The following FSTL4 variants were observed in gnomAD, a reference collection of about 807,000 sequenced individuals.
FSTL4 encodes the protein follistatin like 4.
FSTL4 carries 28 observed loss-of-function variants against 78.2 expected under a neutral mutation model. The ratio of observed to expected loss-of-function variants is 0.36; its 90% CI spans 0.27 to 0.49. FSTL4 has a LOEUF of 0.49. FSTL4 is among the 20% of genes least tolerant of loss of function. The probability of loss-of-function intolerance (pLI) is 0.98; values close to 1 mark genes in which losing one functional copy is unlikely to be tolerated. For synonymous variants in FSTL4, 422 were observed against 440.5 expected (o/e 0.96, Z 0.53); for missense variants, 922 against 1,084.9 (o/e 0.85, Z 2.11).
rs139876685 is a variant in FSTL4 at position 133,229,080 on chromosome 5, T to G, written c.1016-3261A>C. ...GGCCAGACAGAAAATATAATGGAACTCAATGAAGAAAACAATATAACCTCA... is the reference window on the plus strand; with the variant it reads ...GGCCAGACAGAAAATATAATGGAACGCAATGAAGAAAACAATATAACCTCA... On this transcript the variant is annotated intron_variant, in intron 8 of 15. Coordinates refer to ENST00000265342, the MANE Select transcript of FSTL4 (RefSeq NM_015082.2). Among the ~76,000 whole-genome samples, 369 of 152,232 alleles carry G rather than the reference T, an allele frequency of 2.4e-3. 2 individuals are homozygous for G. The highest frequency in any genetic ancestry group is 8.5e-3 in the African/African-American group (352 of 41,552).
rs867388040 is a variant in FSTL4, at chr5:133,610,221, G to A, written c.-11+2104C>T. Among the ~76,000 whole-genome samples the A allele has an allele frequency of 4.6e-5, 7 of 152,224 alleles. No homozygotes were observed. The South Asian group carries it at 1.3e-3, about 27-fold the overall frequency. ...CCTCACCCACCTCCAGGGCACAGCC[G>A]AAAGGATAAAAGTTCTCCTAATACC... On this transcript the variant is annotated intron_variant, in intron 1 of 15. Transcript: ENST00000265342.
the FSTL4 span, among the ~76,000 whole-genome samples, chr5:133,817,846 C>T: frequency 6.6e-6 from 1 of 152,166 alleles, no homozygotes; most frequent in South Asian, 2.1e-4. Context: ...TAAGTGCTTT[C>T]CATACCCTAA....
the FSTL4 span, among the ~76,000 whole-genome samples, chr5:133,805,949 C>T: frequency 6.6e-6 from 1 of 152,212 alleles, no homozygotes; most frequent in Non-Finnish European, 1.5e-5. Flanking sequence ...ACCCCCCAAC[C>T]CCCGATCAGA....
chr5:133,270,033 T>C (rs1045762065), intron 6 of FSTL4: 5 of 152,230 alleles, frequency 3.3e-5, no homozygotes, highest in Non-Finnish European at 5.9e-5. Context: ...AAAGTACGTG[T>C]GCCTAACATG....
chr5:133,320,163 C>T (rs1580612805), intron 4 of FSTL4, among the ~76,000 whole-genome samples: 1 of 152,200 alleles, frequency 6.6e-6, no homozygotes, highest in South Asian at 2.1e-4. Flanking sequence ...CTTCTTCCAG[C>T]CCCCAGAGGC....
the FSTL4 span, among the ~76,000 whole-genome samples, chr5:133,769,949 T>C: frequency 1.3e-5 from 2 of 152,152 alleles, no homozygotes; most frequent in Non-Finnish European, 2.9e-5. Context: ...AGTGAGAACA[T>C]GTGGCATTTG....
chr5:133,356,053 G>A (rs1754938239), intron 4 of FSTL4, among the ~76,000 whole-genome samples: 1 of 152,218 alleles, frequency 6.6e-6, no homozygotes, highest in Non-Finnish European at 1.5e-5. Flanking sequence ...TCTGGGTCCT[G>A]GAGGCCAGTT....
the FSTL4 span, among the ~76,000 whole-genome samples, chr5:133,619,440 T>C: frequency 7.9e-5 from 12 of 152,238 alleles, no homozygotes; most frequent in African/African-American, 2.4e-4. Context: ...GAAAAAGAAG[T>C]CGAAATGTAA....
At chr5:133,636,020 G>C in the FSTL4 span, among the ~76,000 whole-genome samples, 3 of 152,154 alleles carry the variant, frequency 2.0e-5, no homozygotes, top group African/African-American at 7.2e-5. Context: ...ACTCTGTGCT[G>C]TCATCATTAT....
the FSTL4 span, among the ~76,000 whole-genome samples, chr5:133,723,802 C>G: frequency 6.6e-6 from 1 of 152,180 alleles, no homozygotes; most frequent in East Asian, 1.9e-4. Context: ...CCCAACTACT[C>G]CAGTATGCTG....
intron 6 of FSTL4, among the ~76,000 whole-genome samples, chr5:133,257,394 T>G (rs891736038): frequency 3.9e-5 from 6 of 152,186 alleles, no homozygotes; most frequent in African/African-American, 1.2e-4. Context: ...CGAGACATCC[T>G]AGTCTGATGT....
At chr5:133,503,228 A>G (rs1438596479) in intron 3 of FSTL4, among the ~76,000 whole-genome samples, 1 of 152,220 alleles carries the variant, frequency 6.6e-6, no homozygotes, top group African/African-American at 2.4e-5. Flanking sequence ...TTGCACTAGA[A>G]GCAAAGATGA....
At chr5:133,300,004 C>T (rs1054831253) in intron 6 of FSTL4, among the ~76,000 whole-genome samples, 82 of 152,314 alleles carry the variant, frequency 5.4e-4, no homozygotes, top group African/African-American at 1.7e-3. Flanking sequence ...CCTTCTGCCA[C>T]GGAACATTCC....
At chr5:133,755,052 G>C in the FSTL4 span, among the ~76,000 whole-genome samples, 1 of 151,960 alleles carries the variant, frequency 6.6e-6, no homozygotes, top group Non-Finnish European at 1.5e-5. Context: ...CTGCAAGCCA[G>C]ACCTCACCCT....
chr5:133,747,633 A>C, the FSTL4 span, among the ~76,000 whole-genome samples: 2 of 152,196 alleles, frequency 1.3e-5, no homozygotes, highest in Non-Finnish European at 1.5e-5. Context: ...ACCAAACTAG[A>C]TTATGTAATC....
In FSTL4 at chr5:133,583,296, C is replaced by T. The variant is rs761397588; in HGVS notation, c.127-16077G>A. ...CTTAAGATCAAGGCCCCAGGAGGAG[C>T]CAAGATGGCCGAATAGGAACAGCTC... On this transcript the variant is annotated intron_variant, in intron 2 of 15. Transcript: ENST00000265342. 3 of 270,364 alleles carry T rather than the reference C, an allele frequency of 1.1e-5. 1 individual carries two copies. The East Asian group carries it at 4.1e-4, about 37-fold the overall frequency. 16.7% of individuals were successfully genotyped at this position (270,364 alleles called of 1,614,324 possible). A position where few individuals can be genotyped will look rare whatever the true frequency, so the allele number is the denominator to read the frequency against.
At chr5:133,690,620 A>G in the FSTL4 span, among the ~76,000 whole-genome samples, 3 of 152,194 alleles carry the variant, frequency 2.0e-5, no homozygotes, top group Non-Finnish European at 4.4e-5. Flanking sequence ...GATAAATTCC[A>G]CTGATGCTCC....
At chr5:133,273,400 T>C (rs1376857164) in intron 6 of FSTL4, among the ~76,000 whole-genome samples, 1 of 152,226 alleles carries the variant, frequency 6.6e-6, no homozygotes, top group Non-Finnish European at 1.5e-5. Flanking sequence ...TACCTAGGAC[T>C]TGTAACATAG....
chr5:133,732,535 A>G, the FSTL4 span, among the ~76,000 whole-genome samples: 1 of 152,106 alleles, frequency 6.6e-6, no homozygotes, highest in African/African-American at 2.4e-5. Flanking sequence ...ATCCGTCAGC[A>G]GGTTTCGTCT....
Sources: allele counts gnomAD v4.1 joint callset (sites outside exome capture counted in the v4.1 genomes callset), GRCh38; gene constraint gnomAD v4.1.1; transcripts MANE v1.5; gene names NCBI Gene and HGNC (gene_info 2026-07-23, HGNC 2026-07-21).